The following AK5 variants were observed in gnomAD, a reference collection of about 807,000 sequenced individuals.
The protein encoded by AK5 is adenylate kinase isoenzyme 5.
Under a neutral mutation model 69.5 loss-of-function variants are expected in AK5, and 27 were observed. The observed-to-expected ratio is 0.39, with a 90% CI of 0.29 to 0.54. The LOEUF (loss-of-function observed/expected upper bound fraction) is 0.54. Ranked by LOEUF, AK5 falls within the 20% of genes least tolerant of loss-of-function variation. The pLI is 0.71. For missense variants in AK5, 531 were observed against 700.4 expected (o/e 0.76, Z 2.73); for synonymous variants, 260 against 244.4 (o/e 1.06, Z -0.60).
rs932093102 is a variant in AK5 at position 77,321,650 on chromosome 1, A to G, written c.700-18727A>G. 5.3e-5 allele frequency among the ~76,000 whole-genome samples: 8 copies of G among 152,300 alleles called. 1 individual carries two copies. Among genetic ancestry groups the G allele is most frequent in the African/African-American group, 1.9e-4 (8 of 41,562 alleles). On this transcript the variant is annotated intron_variant, in intron 5 of 13. Transcript: ENST00000354567. Reference sequence around the variant, plus strand: ...CAAAAACCTATATAGCTAACGTCATACTTAATGGTAAAATGTTGAGTGCTG... The same window carrying G: ...CAAAAACCTATATAGCTAACGTCATGCTTAATGGTAAAATGTTGAGTGCTG...
chr1:77,556,101 T>C (rs1293578831), intron 13 of AK5, among the ~76,000 whole-genome samples: 3 of 152,236 alleles, frequency 2.0e-5, no homozygotes, highest in Non-Finnish European at 4.4e-5. Flanking sequence ...TTTTTCCTTA[T>C]TGTGGGCTAT....
At chr1:77,496,947 A>C (rs896278038) in intron 10 of AK5, among the ~76,000 whole-genome samples, 15 of 152,234 alleles carry the variant, frequency 9.9e-5, no homozygotes, top group Non-Finnish European at 2.2e-4. Context: ...AATCAGCAGG[A>C]TGTGGGCAGG....
At position 77,297,887 on chromosome 1, in the gene AK5, G is replaced by C; in HGVS notation, c.639G>C (p.Glu213Asp). 1 of 1,613,574 alleles carries C rather than the reference G, an allele frequency of 6.2e-7. No individual in the cohort carries two copies. Among genetic ancestry groups the C allele is most frequent in the Non-Finnish European group, 8.5e-7 (1 of 1,179,820 alleles). ...AATTGATGCAAATACCTGATGAAGA[G>C]GGCATTGTTATTGATGGATTTCCAA... Reference protein sequence around the residue: ...KQKLMQIPDEEGIVIDGFPRD... With the variant: ...KQKLMQIPDEDGIVIDGFPRD... The change falls in exon 5 of 14, where the codon GAG becomes GAC. Residue 213 changes from glutamate (E) to aspartate (D), a missense_variant. Glu to Asp is a conservative substitution (Grantham distance 45). Coordinates refer to ENST00000354567, the MANE Select transcript of AK5 (RefSeq NM_174858.3).
chr1:77,507,626 G>T (rs1657101114), intron 10 of AK5, among the ~76,000 whole-genome samples: 1 of 152,134 alleles, frequency 6.6e-6, no homozygotes, highest in African/African-American at 2.4e-5. Context: ...CAAGAGAGAG[G>T]TATGGCCCTG....
chr1:77,376,690 C>G (rs1243347332), intron 6 of AK5, among the ~76,000 whole-genome samples: 5 of 152,030 alleles, frequency 3.3e-5, no homozygotes, highest in African/African-American at 4.8e-5. Flanking sequence ...CCTGTCATCC[C>G]AACACTTTGG....
chr1:77,551,215 GCCTT>G (rs1209389227), intron 13 of AK5, among the ~76,000 whole-genome samples: 1 of 117,328 alleles, frequency 8.5e-6, no homozygotes, highest in Non-Finnish European at 1.9e-5. Flanking sequence ...AGAAATCCAG[GCCTT>G]TCCCAACACA....
chr1:77,295,651 G>C (rs148450227), intron 3 of AK5, among the ~76,000 whole-genome samples: 2 of 141,390 alleles, frequency 1.4e-5, no homozygotes, highest in East Asian at 4.0e-4. Context: ...GATGAGATTT[G>C]TACGTGGACA....
At chr1:77,404,009 T>C (rs1212036021) in intron 6 of AK5, among the ~76,000 whole-genome samples, 2 of 152,190 alleles carry the variant, frequency 1.3e-5, no homozygotes, top group African/African-American at 4.8e-5. Flanking sequence ...GAAGAGGTCC[T>C]TCACATCCCT....
intron 8 of AK5, among the ~76,000 whole-genome samples, chr1:77,434,107 C>CATAAATAAATAAATAA (rs144552494): frequency 7.0e-6 from 1 of 143,506 alleles, no homozygotes; most frequent in African/African-American, 2.6e-5. Flanking sequence ...GAGTGCAAAG[C>CATAAATAAATAAATAA]ATAAATAAAT....
intron 8 of AK5, among the ~76,000 whole-genome samples, chr1:77,418,882 AAGG>A (rs1056335986): frequency 1.3e-5 from 2 of 152,232 alleles, no homozygotes; most frequent in Non-Finnish European, 2.9e-5. Context: ...AGCACAAAGC[AAGG>A]AGATGATGTT....
intron 12 of AK5, among the ~76,000 whole-genome samples, chr1:77,528,588 C>T (rs1658411893): frequency 6.6e-6 from 1 of 152,218 alleles, no homozygotes; most frequent in Admixed American, 6.5e-5. Flanking sequence ...CTGTTACCTT[C>T]CTATCTTCTA....
At chr1:77,459,669 A>C (rs984831113) in intron 8 of AK5, among the ~76,000 whole-genome samples, 1 of 152,206 alleles carries the variant, frequency 6.6e-6, no homozygotes, top group East Asian at 1.9e-4. Flanking sequence ...CCACAGATTT[A>C]ACAAATACTT....
intron 5 of AK5, among the ~76,000 whole-genome samples, chr1:77,306,494 GT>G (rs869202567): frequency 0.25 from 30,462 of 119,774 alleles, 3,022 homozygotes; most frequent in East Asian, 0.36. Flanking sequence ...GTTTTTTTTT[GT>G]TTTTTTTTTT....
At chr1:77,405,300 G>A (rs953240198) in intron 6 of AK5, among the ~76,000 whole-genome samples, 3 of 152,200 alleles carry the variant, frequency 2.0e-5, no homozygotes, top group East Asian at 3.9e-4. Flanking sequence ...GCTGCTACAC[G>A]GGAGAGCAGA....
intron 6 of AK5, among the ~76,000 whole-genome samples, chr1:77,351,927 C>CTTTTT (rs10658959): frequency 7.2e-6 from 1 of 138,168 alleles, no homozygotes. Context: ...GCAAGTAATT[C>CTTTTT]TTTTTTTTTT....
Position 77,293,910 on chromosome 1 carries a change from A to G in AK5, c.365A>G (p.Tyr122Cys), listed in dbSNP as rs1488713709. 1.2e-6 allele frequency: 2 copies of G among 1,613,710 alleles called. No homozygotes were observed. The highest frequency in any genetic ancestry group is 8.5e-7 in the Non-Finnish European group (1 of 1,179,868). Residue 122 changes from tyrosine (Y) to cysteine (C), a missense_variant, in exon 3 of 14, where the codon TAT (tyrosine) becomes TGT (cysteine). Tyr to Cys is a radical substitution (Grantham distance 194). Transcript: ENST00000354567. ...GAGACTGCAGAGTTGATTGAGGAGT[A>G]TGAGGTTTTTGATCCTACCAGACCT... ...LSETAELIEE[Y>C]EVFDPTRPRP...
intron 5 of AK5, among the ~76,000 whole-genome samples, chr1:77,337,967 T>TTC (rs1314193276): frequency 1.3e-5 from 2 of 150,408 alleles, no homozygotes; most frequent in Non-Finnish European, 3.0e-5. Flanking sequence ...TTCTTTTTAT[T>TTC]TTTTTTTTTT....
intron 7 of AK5, 51 bp downstream of exon 7, chr1:77,411,122 T>A: frequency 6.7e-7 from 1 of 1,483,624 alleles, no homozygotes; most frequent in Non-Finnish European, 9.3e-7. Flanking sequence ...ACCTGCCAAA[T>A]GTCTGGGGCT....
At chr1:77,451,231 GA>G (rs949347481) in intron 8 of AK5, among the ~76,000 whole-genome samples, 3 of 151,154 alleles carry the variant, frequency 2.0e-5, no homozygotes, top group African/African-American at 7.3e-5. Flanking sequence ...TGGAAAATTT[GA>G]AAAAAAATAC....
Sources: allele counts gnomAD v4.1 joint callset (sites outside exome capture counted in the v4.1 genomes callset), GRCh38; gene constraint gnomAD v4.1.1; transcripts MANE v1.5; gene names NCBI Gene and HGNC (gene_info 2026-07-23, HGNC 2026-07-21).